The following DDX60L variants were observed in gnomAD, a reference collection of about 807,000 sequenced individuals.
DDX60L encodes the protein probable ATP-dependent RNA helicase DDX60-like.
DDX60L carries 191 observed loss-of-function variants against 211.6 expected under a neutral mutation model. The observed-to-expected ratio is 0.90, with a 90% confidence interval of 0.80 to 1.02. DDX60L has a LOEUF of 1.02. Ranked by LOEUF, DDX60L falls within the 50% of genes least tolerant of loss-of-function variation. The probability of loss-of-function intolerance (pLI) is 0.00; values close to 1 mark genes in which losing one functional copy is unlikely to be tolerated. For synonymous variants in DDX60L, 706 were observed against 694.1 expected (o/e 1.02, Z -0.27); for missense variants, 2,007 against 1,984.1 (o/e 1.01, Z -0.22).
chr4:168,427,450 A>T, intron 13 of DDX60L, 128 bp from the exon 14 acceptor site: 2 of 1,003,642 alleles, frequency 2.0e-6, no homozygotes, highest in Non-Finnish European at 2.9e-6. Flanking sequence ...ACAGGCAAGA[A>T]TTCTTAATGT....
rs1213300293 is a variant in DDX60L, at chr4:168,448,845, C to A, written c.997-66G>T. ...GAATAATTTCATACTCCTGGTTAAC[C>A]CCCTATAAGGTAGGTCACAAGGGAC... On this transcript the variant is annotated intron_variant, in intron 8 of 37. Transcript: ENST00000682922. The A allele has an allele frequency of 4.8e-6, 7 of 1,463,678 alleles. No homozygotes were observed. In the East Asian group the frequency reaches 1.2e-4, roughly 24 times the overall value. The allele number at this position is 1,463,678 out of a possible 1,614,324, so 90.7% of individuals were successfully genotyped here. A position where few individuals can be genotyped will look rare whatever the true frequency, so the allele number is the denominator to read the frequency against.
intron 37 of DDX60L, among the ~76,000 whole-genome samples, chr4:168,360,732 TG>T (rs1738960795): frequency 6.6e-6 from 1 of 152,214 alleles, no homozygotes; most frequent in Non-Finnish European, 1.5e-5. Context: ...GGAAAGGCAC[TG>T]GGTACGAGAA....
In DDX60L at chr4:168,471,893, C is replaced by CA. The variant is rs747827457; in HGVS notation, c.117dup (p.Val40CysfsTer3). On this transcript the variant is annotated frameshift_variant, in exon 4 of 38. Coordinates refer to ENST00000682922, the MANE Select transcript of DDX60L (RefSeq NM_001012967.3). LOFTEE classifies it high-confidence loss of function. ...ACAAGCAAGGAATCTCCATCAATCA[C>CA]AAAAAAATTAGATTCCACAAAATCA... is the stretch of plus-strand genomic sequence containing the variant. 16 of 1,608,274 alleles carry CA rather than the reference C, an allele frequency of 9.9e-6. No homozygotes were observed. The highest frequency in any genetic ancestry group is 2.2e-5 in the South Asian group (2 of 89,724).
At chr4:168,477,404 G>A (rs978480795) in intron 1 of DDX60L, among the ~76,000 whole-genome samples, 2 of 150,444 alleles carry the variant, frequency 1.3e-5, no homozygotes, top group African/African-American at 2.4e-5. Context: ...GACAGAGCAA[G>A]ACTCTGTCTA....
chr4:168,467,601 T>C (rs373455927), intron 4 of DDX60L, among the ~76,000 whole-genome samples: 1 of 152,218 alleles, frequency 6.6e-6, no homozygotes, highest in East Asian at 1.9e-4. Flanking sequence ...ACATATACAA[T>C]TAACAAAACT....
At chr4:168,424,411 A>C (rs1326683929) in intron 14 of DDX60L, among the ~76,000 whole-genome samples, 1 of 152,200 alleles carries the variant, frequency 6.6e-6, no homozygotes, top group Non-Finnish European at 1.5e-5. Context: ...TAAAGTCTTT[A>C]TCCTCTTTCC....
At chr4:168,359,562 G>A (rs1738748483) in intron 37 of DDX60L, among the ~76,000 whole-genome samples, 1 of 152,000 alleles carries the variant, frequency 6.6e-6, no homozygotes, top group Non-Finnish European at 1.5e-5. Context: ...CTGGAATATG[G>A]GTATAGCCTC....
chr4:168,412,191 T>C (rs1292174054), intron 22 of DDX60L, among the ~76,000 whole-genome samples: 1 of 151,732 alleles, frequency 6.6e-6, no homozygotes, highest in African/African-American at 2.4e-5. Context: ...AGACTACTTC[T>C]GCTTGAAGAA....
At chr4:168,379,272 A>G (rs1257521546) in intron 32 of DDX60L, 91 bp downstream of exon 32, 3 of 1,145,546 alleles carry the variant, frequency 2.6e-6, no homozygotes, top group Non-Finnish European at 3.6e-6. Context: ...ATAAATGAGA[A>G]GGAGGAAGAA....
At chr4:168,361,383 C>T (rs751635563) in intron 36 of DDX60L, 172 bp from the exon 37 acceptor site, 32 of 487,344 alleles carry the variant, frequency 6.6e-5, no homozygotes, top group Non-Finnish European at 9.2e-5. Flanking sequence ...TAGGTAAAAA[C>T]CACAAAAAAA....
chr4:168,425,799 T>G (rs544777470), intron 14 of DDX60L, among the ~76,000 whole-genome samples: 1 of 152,212 alleles, frequency 6.6e-6, no homozygotes, highest in South Asian at 2.1e-4. Context: ...ATATCTCTAC[T>G]CAGTTTTTTC....
At chr4:168,441,539 C>G in intron 9 of DDX60L, 47 bp from the exon 10 acceptor site, 1 of 1,413,452 alleles carries the variant, frequency 7.1e-7, no homozygotes, top group Admixed American at 2.2e-5. Context: ...CATACACATG[C>G]AGACACACAC....
intron 22 of DDX60L, among the ~76,000 whole-genome samples, chr4:168,410,636 A>G (rs1338662512): frequency 6.6e-6 from 1 of 152,238 alleles, no homozygotes; most frequent in Non-Finnish European, 1.5e-5. Context: ...ACTTGAACCT[A>G]TATAATTTAA....
In DDX60L at chr4:168,400,921, C is replaced by G. The variant is rs1326318161; in HGVS notation, c.3396G>C (p.Lys1132Asn). The change falls in exon 26 of 38, where the codon AAG (lysine) becomes AAC (asparagine). Residue 1132 changes from lysine to asparagine, a missense_variant. By Grantham distance (94) the Lys-to-Asn change is moderately conservative (BLOSUM62 0). Coordinates refer to ENST00000682922, the MANE Select transcript of DDX60L (RefSeq NM_001012967.3). Reference protein sequence around the residue: ...RAGSVCTFLEKTETKSHPHTE... With the variant: ...RAGSVCTFLENTETKSHPHTE... ...TGTGGGGATGGCTTTTTGTCTCTGT[C>G]TTCTCCAGAAAAGTGCACACACTTC... The G allele has an allele frequency of 1.2e-6, 2 of 1,613,700 alleles. No homozygotes were observed.
chr4:168,462,060 C>G lies in DDX60L; in HGVS notation c.265-20G>C, dbSNP rs764363707. 1.3e-5 allele frequency: 19 copies of G among 1,503,656 alleles called. No homozygotes were observed. Among genetic ancestry groups the G allele is most frequent in the Non-Finnish European group, 1.7e-5 (19 of 1,103,112 alleles). 93.1% of individuals were successfully genotyped at this position (1,503,656 alleles called of 1,614,324 possible). The stretch of plus-strand genomic sequence containing the variant: ...AGCATCCTGTGGTGAGAAAAAGAAA[C>G]AAGCACATCATTTTCAAATCTTCCT... On this transcript the variant is annotated intron_variant, in intron 4 of 37. Coordinates refer to ENST00000682922, the MANE Select transcript of DDX60L (RefSeq NM_001012967.3).
At position 168,416,718 on chromosome 4, in the gene DDX60L, A is replaced by C. The variant is rs372861009; in HGVS notation, c.2690T>G (p.Leu897Arg). Residue 897 changes from leucine (L) to arginine (R), a missense_variant, in exon 20 of 38, where the codon CTT becomes CGT. By Grantham distance (102) the Leu-to-Arg change is moderately radical. Coordinates refer to ENST00000682922, the MANE Select transcript of DDX60L (RefSeq NM_001012967.3). ...LVIIRCPFLV[L>R]SATINNPNLL... Reference sequence around the variant, plus strand: ...ATTTGGGTTATTTATGGTAGCTGAAAGAACCAAAAAGGGACATCGAATAAT... The same window carrying C: ...ATTTGGGTTATTTATGGTAGCTGAACGAACCAAAAAGGGACATCGAATAAT... 2.5e-6 allele frequency: 4 copies of C among 1,604,698 alleles called. No individual in the cohort carries two copies. The African/African-American group carries it at 5.4e-5, about 22-fold the overall frequency.
chr4:168,380,637 G>T (rs999263922), intron 30 of DDX60L: 5 of 152,168 alleles, frequency 3.3e-5, no homozygotes, highest in African/African-American at 1.2e-4. Context: ...ATAGCAGCGT[G>T]AGAATGAACT....
rs965997043 is a variant in DDX60L at position 168,465,381 on chromosome 4, C to T, written c.265-3341G>A. On this transcript the variant is annotated intron_variant, in intron 4 of 37. Coordinates refer to ENST00000682922, the MANE Select transcript of DDX60L (RefSeq NM_001012967.3). ...GCTATTGAGATGTTTGAGTTCCCTGCATATCCTGGATATTAATTCCTTGTA... is the reference window on the plus strand; with the variant it reads ...GCTATTGAGATGTTTGAGTTCCCTGTATATCCTGGATATTAATTCCTTGTA... Among the ~76,000 whole-genome samples the T allele has an allele frequency of 2.6e-5, 4 of 152,050 alleles. No individual in the cohort carries two copies. The East Asian group carries it at 7.7e-4, about 29-fold the overall frequency.
intron 30 of DDX60L, chr4:168,380,936 G>A (rs1742833912): frequency 6.6e-6 from 1 of 152,230 alleles, no homozygotes; most frequent in African/African-American, 2.4e-5. Flanking sequence ...TTAGCAAAGA[G>A]GTTAGCTGCA....
Sources: gnomAD v4.1 joint callset for allele counts (sites outside exome capture counted in the v4.1 genomes callset) on GRCh38, gnomAD v4.1.1 for gene constraint, MANE v1.5 for transcripts, NCBI Gene and HGNC (gene_info 2026-07-23, HGNC 2026-07-21) for gene names.